FLRT2: variants seen among roughly 807,000 people sequenced by gnomAD.
FLRT2 encodes the protein fibronectin leucine rich transmembrane protein 2.
In FLRT2, 15 loss-of-function variants were observed where a neutral mutation model predicts 40.0. The observed-to-expected ratio is 0.38, with a 90% CI of 0.25 to 0.58. The LOEUF (loss-of-function observed/expected upper bound fraction) is 0.58. Among genes scored for constraint, FLRT2 ranks in the 20% least tolerant of loss-of-function variants. FLRT2 has a pLI of 0.71. For synonymous variants in FLRT2, 380 were observed against 336.8 expected (o/e 1.13, Z -1.41); for missense variants, 726 against 840.0 (o/e 0.86, Z 1.68).
At chr14:85,534,764 G>T (rs1888541163) in intron 1 of FLRT2, among the ~76,000 whole-genome samples, 1 of 151,970 alleles carries the variant, frequency 6.6e-6, no homozygotes, top group Non-Finnish European at 1.5e-5. Context: ...CACGTTTCCC[G>T]AACGGCAGCC....
intron 1 of FLRT2, among the ~76,000 whole-genome samples, chr14:85,619,237 C>A (rs2139365653): frequency 6.6e-6 from 1 of 152,080 alleles, no homozygotes; most frequent in Middle Eastern, 3.4e-3. Flanking sequence ...GCTCATACCA[C>A]CGCACCTGGC....
intron 1 of FLRT2, among the ~76,000 whole-genome samples, chr14:85,546,520 C>T (rs72691288): frequency 6.6e-6 from 1 of 152,096 alleles, no homozygotes; most frequent in South Asian, 2.1e-4. Context: ...AGCTCCATTA[C>T]CACATGAAAG....
intron 1 of FLRT2, among the ~76,000 whole-genome samples, chr14:85,610,335 G>A (rs1170296865): frequency 2.6e-5 from 4 of 152,028 alleles, no homozygotes; most frequent in Admixed American, 2.6e-4. Context: ...CCAGGCTCTT[G>A]TTCTTGATAA....
chr14:85,584,188 T>C (rs938962797), intron 1 of FLRT2, among the ~76,000 whole-genome samples: 2 of 152,204 alleles, frequency 1.3e-5, no homozygotes, highest in Non-Finnish European at 2.9e-5. Flanking sequence ...GAACTAGGGC[T>C]CCTTAGCTAC....
intron 1 of FLRT2, among the ~76,000 whole-genome samples, chr14:85,571,592 C>T (rs1297912033): frequency 6.6e-6 from 1 of 152,074 alleles, no homozygotes; most frequent in Non-Finnish European, 1.5e-5. Context: ...TGAATATTTC[C>T]TCGATGTGCT....
At position 85,647,906 on chromosome 14, in the gene FLRT2, A is replaced by T. The variant is rs1894345718; in HGVS notation, c.*24409A>T. On this transcript the variant is annotated 3_prime_UTR_variant, in exon 2 of 2. Coordinates refer to ENST00000330753, the MANE Select transcript of FLRT2 (RefSeq NM_013231.6). The stretch of plus-strand genomic sequence containing the variant: ...TAGGAAGAGGATAAACAGTGTCATA[A>T]ACAACTGTGATCTTATGGCCAGTTG... 1 of 152,142 alleles carries T rather than the reference A, an allele frequency of 6.6e-6. No homozygotes were observed. The highest frequency in any genetic ancestry group is 1.5e-5 in the Non-Finnish European group (1 of 68,030). 9.4% of individuals were successfully genotyped at this position (152,142 alleles called of 1,614,324 possible). A position where few individuals can be genotyped will look rare whatever the true frequency, so the allele number is the denominator to read the frequency against.
chr14:85,550,025 C>T (rs1889517335), intron 1 of FLRT2, among the ~76,000 whole-genome samples: 1 of 131,404 alleles, frequency 7.6e-6, no homozygotes. Context: ...CTCTTACAAC[C>T]ACTTATTTCT....
chr14:85,556,366 CAAGT>C (rs1356370160), intron 1 of FLRT2, among the ~76,000 whole-genome samples: 1 of 152,142 alleles, frequency 6.6e-6, no homozygotes, highest in African/African-American at 2.4e-5. Context: ...ATTTCCCATA[CAAGT>C]AGTGATGTGT....
At chr14:85,592,766 G>T (rs1891950475) in intron 1 of FLRT2, among the ~76,000 whole-genome samples, 1 of 134,732 alleles carries the variant, frequency 7.4e-6, no homozygotes, top group Admixed American at 8.0e-5. Context: ...TCCAGCCTGG[G>T]TGACAGGAGC....
rs1439051237 is a variant in FLRT2, at chr14:85,643,768, A to G, written c.*20271A>G. 6.6e-6 allele frequency: 1 copy of G among 152,180 alleles called. No homozygotes were observed. The highest frequency in any genetic ancestry group is 1.5e-5 in the Non-Finnish European group (1 of 68,048). 9.4% of individuals were successfully genotyped at this position (152,180 alleles called of 1,614,324 possible). ...CTTTTAGATAGAGATGAAAGTGTAGATGCTGCCCACAAAATGTGCTCCCTG... is the reference window on the plus strand; with the variant it reads ...CTTTTAGATAGAGATGAAAGTGTAGGTGCTGCCCACAAAATGTGCTCCCTG... On this transcript the variant is annotated 3_prime_UTR_variant, in exon 2 of 2. Coordinates refer to ENST00000330753, the MANE Select transcript of FLRT2 (RefSeq NM_013231.6).
chr14:85,606,575 A>G (rs1210977322), intron 1 of FLRT2, among the ~76,000 whole-genome samples: 1 of 129,576 alleles, frequency 7.7e-6, no homozygotes, highest in Non-Finnish European at 1.5e-5. Context: ...GCCAGACTGG[A>G]GTGCGGTGGT....
At chr14:85,562,431 C>A (rs1191274991) in intron 1 of FLRT2, among the ~76,000 whole-genome samples, 1 of 152,110 alleles carries the variant, frequency 6.6e-6, no homozygotes, top group Admixed American at 6.5e-5. Flanking sequence ...GCTGTGAAGA[C>A]CAAATGCAGG....
At chr14:85,545,467 T>G (rs560831920) in intron 1 of FLRT2, among the ~76,000 whole-genome samples, 98 of 152,282 alleles carry the variant, frequency 6.4e-4, no homozygotes, top group African/African-American at 2.3e-3. Flanking sequence ...AACTCAAAAT[T>G]TGTTTGTCCA....
At chr14:85,534,184 T>C (rs1008138381) in intron 1 of FLRT2, among the ~76,000 whole-genome samples, 3 of 152,142 alleles carry the variant, frequency 2.0e-5, no homozygotes, top group Non-Finnish European at 4.4e-5. Context: ...GAGAGGCAAA[T>C]TCCCCCAGGA....
At position 85,639,628 on chromosome 14, in the gene FLRT2, GTGT is replaced by G. The variant is rs1894098884; in HGVS notation, c.*16132_*16134del. 1 of 152,038 alleles carries G rather than the reference GTGT, an allele frequency of 6.6e-6. No homozygotes were observed. Among genetic ancestry groups the G allele is most frequent in the African/African-American group, 2.4e-5 (1 of 41,390 alleles). The allele number at this position is 152,038 out of a possible 1,614,324, so 9.4% of individuals were successfully genotyped here. A position where few individuals can be genotyped will look rare whatever the true frequency, so the allele number is the denominator to read the frequency against. On this transcript the variant is annotated 3_prime_UTR_variant, in exon 2 of 2. Transcript: ENST00000330753. ...TCATGAGTTTGGCTAAAATTAGAGT[GTGT>G]GTTAGTAGAATTTATATTTATAGAC... is the stretch of plus-strand genomic sequence containing the variant.
chr14:85,586,060 T>A (rs996282569), intron 1 of FLRT2, among the ~76,000 whole-genome samples: 1 of 148,372 alleles, frequency 6.7e-6, no homozygotes, highest in Non-Finnish European at 1.5e-5. Context: ...TTAAGTGATA[T>A]AAGCTATATA....
At chr14:85,582,372 C>T (rs1891428181) in intron 1 of FLRT2, among the ~76,000 whole-genome samples, 1 of 152,098 alleles carries the variant, frequency 6.6e-6, no homozygotes, top group South Asian at 2.1e-4. Context: ...ATTACTTGTT[C>T]AATAACTCTT....
At chr14:85,604,421 C>G (rs934870327) in intron 1 of FLRT2, among the ~76,000 whole-genome samples, 2 of 152,028 alleles carry the variant, frequency 1.3e-5, no homozygotes, top group Admixed American at 1.3e-4. Context: ...ACTAAGCACT[C>G]GAATCATATC....
At chr14:85,608,749 C>T (rs938587770) in intron 1 of FLRT2, among the ~76,000 whole-genome samples, 6 of 152,156 alleles carry the variant, frequency 3.9e-5, no homozygotes, top group Admixed American at 2.0e-4. Flanking sequence ...ATGCACGACC[C>T]TTCTCTTCTT....
Sources: allele counts gnomAD v4.1 joint callset (sites outside exome capture counted in the v4.1 genomes callset), GRCh38; gene constraint gnomAD v4.1.1; transcripts MANE v1.5; gene names NCBI Gene and HGNC (gene_info 2026-07-23, HGNC 2026-07-21).